SLC26A11: variants seen among roughly 807,000 people sequenced by gnomAD.
SLC26A11 encodes solute carrier family 26 member 11, also known as sodium-independent sulfate anion transporter.
A neutral mutation model predicts 62.2 loss-of-function variants in SLC26A11; 58 were observed. The ratio of observed to expected loss-of-function variants is 0.93; its 90% CI spans 0.76 to 1.16. The LOEUF (loss-of-function observed/expected upper bound fraction) is 1.16, where lower values mean the gene tolerates loss of function less well. Ranked by LOEUF, SLC26A11 falls within the 50% of genes most tolerant of loss-of-function variation. The probability of loss-of-function intolerance (pLI) is 0.00; values close to 1 mark genes in which losing one functional copy is unlikely to be tolerated. For synonymous variants in SLC26A11, 411 were observed against 368.9 expected (o/e 1.11, Z -1.31); for missense variants, 790 against 794.3 (o/e 0.99, Z 0.06).
At chr17:80,231,835 A>C (rs557156350) in intron 7 of SLC26A11, among the ~76,000 whole-genome samples, 1 of 152,296 alleles carries the variant, frequency 6.6e-6, no homozygotes, top group South Asian at 2.1e-4. Flanking sequence ...TCCTTTATTG[A>C]GAGTTGTATT....
chr17:80,248,074 C>G lies in SLC26A11; in HGVS notation c.1295-56C>G, dbSNP rs146924708. ...AAAGCTGTCCCGCTGGTCAGCAGGG[C>G]CATGTTGGGGCCTCGGGCAGCTGCC... On this transcript the variant is annotated intron_variant, in intron 13 of 17. Coordinates refer to ENST00000361193, the MANE Select transcript of SLC26A11 (RefSeq NM_001166347.2). 45 of 1,533,682 alleles carry G rather than the reference C, an allele frequency of 2.9e-5. 1 individual carries two copies. The African/African-American group carries it at 5.1e-4, about 18-fold the overall frequency.
At position 80,222,903 on chromosome 17, in the gene SLC26A11, T is replaced by G; in HGVS notation, c.427+56T>G. On this transcript the variant is annotated intron_variant, in intron 4 of 17. Transcript: ENST00000361193. This position sits in a 1 kb window ranked among gnomAD's most constrained non-coding sequence, Gnocchi z 4.7. Reference sequence around the variant, plus strand: ...CCCTCGACCTCAGCATTTGCTTGTTTGCATTTCAAGTCTATCCCCGTGTGC... The same window carrying G: ...CCCTCGACCTCAGCATTTGCTTGTTGGCATTTCAAGTCTATCCCCGTGTGC... 1 of 1,584,854 alleles carries G rather than the reference T, an allele frequency of 6.3e-7. No individual in the cohort carries two copies. The highest frequency in any genetic ancestry group is 2.2e-5 in the East Asian group (1 of 44,596).
chr17:80,227,677 G>A (rs2042447655), intron 6 of SLC26A11, 141 bp from the exon 7 acceptor site: 3 of 1,125,058 alleles, frequency 2.7e-6, no homozygotes, highest in South Asian at 3.2e-5. Flanking sequence ...GATACTCACT[G>A]TGGTCTGGGA....
chr17:80,245,115 T>C (rs1161837555), intron 10 of SLC26A11, 81 bp from the exon 11 acceptor site: 7 of 1,355,994 alleles, frequency 5.2e-6, no homozygotes, highest in Non-Finnish European at 7.4e-6. Context: ...CCCTTCTGGG[T>C]TTTTGTCCCC....
chr17:80,244,229 A>G (rs535463472), intron 10 of SLC26A11, among the ~76,000 whole-genome samples: 18 of 152,318 alleles, frequency 1.2e-4, no homozygotes, highest in Middle Eastern at 3.4e-3. Flanking sequence ...GCGTGGGTCA[A>G]CCTGAGCAGT....
At position 80,222,666 on chromosome 17, in the gene SLC26A11, C is replaced by G; in HGVS notation, c.246C>G (p.Tyr82Ter). ...VAGLPPQYGL[Y>*]SAFMGCFVYF... ...CTCTCTCCCCACAGTATGGCCTCTA[C>G]TCTGCCTTCATGGGCTGCTTCGTGT... The change falls in exon 4 of 18, where the codon TAC becomes TAG. Residue 82 changes from tyrosine to a stop codon, truncating the protein, a stop_gained. Coordinates refer to ENST00000361193, the MANE Select transcript of SLC26A11 (RefSeq NM_001166347.2). LOFTEE classifies it high-confidence loss of function. The surrounding 1 kb of genome is among the most constrained non-coding windows in gnomAD (Gnocchi z 4.7). 6.2e-7 allele frequency: 1 copy of G among 1,614,114 alleles called. No homozygotes were observed. Among genetic ancestry groups the G allele is most frequent in the Non-Finnish European group, 8.5e-7 (1 of 1,179,986 alleles).
At position 80,227,968 on chromosome 17, in the gene SLC26A11, G is replaced by A. The variant is rs1396884197; in HGVS notation, c.736+8G>A. ...TCTGGGCTGCCACGACAGGTGAGGG[G>A]CCTCTGGCTGACATCTTATGCAACC... is the stretch of plus-strand genomic sequence containing the variant. On this transcript the variant is annotated splice_region_variant and intron_variant, in intron 7 of 17. Transcript: ENST00000361193. The A allele has an allele frequency of 1.3e-6, 2 of 1,598,746 alleles. No homozygotes were observed. Among genetic ancestry groups the A allele is most frequent in the African/African-American group, 2.7e-5 (2 of 74,880 alleles).
rs2043149305 is a variant in SLC26A11, at chr17:80,251,321, T to C, written c.1657-8T>C. 6.2e-7 allele frequency: 1 copy of C among 1,614,010 alleles called. No homozygotes were observed. Among genetic ancestry groups the C allele is most frequent in the Non-Finnish European group, 8.5e-7 (1 of 1,179,944 alleles). ...CCCTGCCCTGGCTAAAGTCTGTCTG[T>C]CTCTCAGGTCCCCGTTCTCCGTGTC... On this transcript the variant is annotated splice_polypyrimidine_tract_variant and splice_region_variant and intron_variant, in intron 16 of 17. Transcript: ENST00000361193.
chr17:80,227,831 G>A lies in SLC26A11; in HGVS notation c.607G>A (p.Val203Ile), dbSNP rs369128934. Residue 203 changes from valine (V) to isoleucine (I), a missense_variant, in exon 7 of 18, where the codon GTC becomes ATC. By Grantham distance (29) the Val-to-Ile change is conservative (BLOSUM62 3). Coordinates refer to ENST00000361193, the MANE Select transcript of SLC26A11 (RefSeq NM_001166347.2). ...RIAETRVGDA[V>I]LGLVCMLLLL... ...GCCTGTCCACAGGGTAGGTGACGCC[G>A]TCCTGGGGCTGGTCTGCATGCTGCT... 2.9e-5 allele frequency: 46 copies of A among 1,603,876 alleles called. No individual in the cohort carries two copies. Among genetic ancestry groups the A allele is most frequent in the Admixed American group, 1.5e-4 (9 of 59,998 alleles).
intron 9 of SLC26A11, 122 bp from the exon 10 acceptor site, chr17:80,241,649 T>C: frequency 1.0e-6 from 1 of 997,678 alleles, no homozygotes. Context: ...TAGATGTGTA[T>C]TCTTAGATTT....
At position 80,248,173 on chromosome 17, in the gene SLC26A11, C is replaced by T. The variant is rs1289423588; in HGVS notation, c.1338C>T (p.Phe446=). ...TGTGCGTGACCTTCCTGCTGTGCTT[C>T]TGGGAGGTGCAGTACGGCATCCTGG... ...LPLCVTFLLC[F]WEVQYGILAG... Residue 446 remains phenylalanine (F), a synonymous_variant, in exon 14 of 18, where the codon TTC becomes TTT. Coordinates refer to ENST00000361193, the MANE Select transcript of SLC26A11 (RefSeq NM_001166347.2). The T allele has an allele frequency of 6.2e-7, 1 of 1,607,910 alleles. No homozygotes were observed.
At chr17:80,249,409 GGCTCT>G in intron 16 of SLC26A11, 122 bp downstream of exon 16, 1 of 1,319,306 alleles carries the variant, frequency 7.6e-7, no homozygotes, top group Non-Finnish European at 1.0e-6. Context: ...GGCCGGTGCT[GGCTCT>G]GCTTCTGATT....
intron 7 of SLC26A11, among the ~76,000 whole-genome samples, chr17:80,232,051 C>T (rs2042578261): frequency 6.6e-6 from 1 of 152,102 alleles, no homozygotes; most frequent in South Asian, 2.1e-4. Context: ...ATAACCATGA[C>T]TTTGTCTATT....
At position 80,228,029 on chromosome 17, in the gene SLC26A11, TC is replaced by T; in HGVS notation, c.736+72del. The T allele has an allele frequency of 6.9e-7, 1 of 1,450,144 alleles. No homozygotes were observed. The highest frequency in any genetic ancestry group is 9.4e-7 in the Non-Finnish European group (1 of 1,066,046). 89.8% of individuals were successfully genotyped at this position (1,450,144 alleles called of 1,614,324 possible). A position where few individuals can be genotyped will look rare whatever the true frequency, so the allele number is the denominator to read the frequency against. ...GTTGGGGTCACTTGGGGAGTCCTAG[TC>T]CCACCCTAGGGATTCTCACGTCATT... On this transcript the variant is annotated intron_variant, in intron 7 of 17. Transcript: ENST00000361193. The surrounding 1 kb of genome is among the most constrained non-coding windows in gnomAD (Gnocchi z 4.1).
intron 7 of SLC26A11, among the ~76,000 whole-genome samples, chr17:80,231,875 A>G (rs1462367363): frequency 6.6e-6 from 1 of 152,192 alleles, no homozygotes; most frequent in African/African-American, 2.4e-5. Context: ...ATCTTAGTGA[A>G]TATTCTGTGT....
intron 9 of SLC26A11, among the ~76,000 whole-genome samples, chr17:80,238,184 C>T (rs1307160174): frequency 2.0e-5 from 3 of 152,134 alleles, no homozygotes; most frequent in Non-Finnish European, 4.4e-5. Context: ...GTAACGAGAC[C>T]TCGTTTCTAT....
chr17:80,253,241 A>G lies in SLC26A11; in HGVS notation c.*525A>G, dbSNP rs768305502. ...TTGTGTTTTCTAAATGGAAAAAGTGATAGCTTTGGTGATTTTGTAAAAGTC... is the reference window on the plus strand; with the variant it reads ...TTGTGTTTTCTAAATGGAAAAAGTGGTAGCTTTGGTGATTTTGTAAAAGTC... On this transcript the variant is annotated 3_prime_UTR_variant, in exon 18 of 18. Transcript: ENST00000361193. The G allele has an allele frequency of 2.6e-5, 4 of 152,814 alleles. No individual in the cohort carries two copies. Among genetic ancestry groups the G allele is most frequent in the African/African-American group, 4.8e-5 (2 of 41,458 alleles). The allele number at this position is 152,814 out of a possible 1,614,324, so 9.5% of individuals were successfully genotyped here.
intron 11 of SLC26A11, 34 bp downstream of exon 11, chr17:80,245,290 C>T (rs768145669): frequency 2.1e-5 from 33 of 1,607,980 alleles, no homozygotes; most frequent in South Asian, 9.9e-5. Context: ...TGTTTGCCCA[C>T]GTTGGACGCC....
intron 10 of SLC26A11, among the ~76,000 whole-genome samples, chr17:80,244,974 CAAAAAAAA>C (rs34294039): frequency 1.5e-5 from 1 of 67,726 alleles, no homozygotes; most frequent in African/African-American, 6.6e-5. Context: ...GACTCTGTCT[CAAAAAAAA>C]AAAAAAAAAA....
Sources: gnomAD v4.1 joint callset for allele counts (sites outside exome capture counted in the v4.1 genomes callset) on GRCh38, gnomAD v4.1.1 for gene constraint, Gnocchi (gnomAD v3.1) non-coding constraint, MANE v1.5 for transcripts, NCBI Gene and HGNC (gene_info 2026-07-23, HGNC 2026-07-21) for gene names.